The following AFTPH variants were observed in gnomAD, a reference collection of about 807,000 sequenced individuals.
AFTPH encodes aftiphilin protein.
Under a neutral mutation model 72.5 loss-of-function variants are expected in AFTPH, and 7 were observed. The observed-to-expected ratio is 0.10, with a 90% CI of 0.05 to 0.18. The LOEUF is 0.18. Among genes scored for constraint, AFTPH ranks in the 10% least tolerant of loss-of-function variants. The probability of loss-of-function intolerance (pLI) is 1.00; values close to 1 mark genes in which losing one functional copy is unlikely to be tolerated. For missense variants in AFTPH, 979 were observed against 1,060.5 expected (o/e 0.92, Z 1.07); for synonymous variants, 337 against 370.1 (o/e 0.91, Z 1.03).
In AFTPH at chr2:64,571,427, T is replaced by C. The variant is rs1261245865; in HGVS notation, c.2272-1519T>C. Among the ~76,000 whole-genome samples the C allele has an allele frequency of 2.0e-5, 3 of 152,190 alleles. No homozygotes were observed. The East Asian group carries it at 5.8e-4, about 29-fold the overall frequency. The stretch of plus-strand genomic sequence containing the variant: ...AACAAACTTGGCTGAAACTAGTAAT[T>C]GTTTGCCAAATGTATCGTCTCTGCA... On this transcript the variant is annotated intron_variant, in intron 5 of 8. Coordinates refer to ENST00000238856, the Ensembl canonical transcript of AFTPH.
chr2:64,566,507 A>G, intron 2 of AFTPH, among the ~76,000 whole-genome samples: 1 of 152,188 alleles, frequency 6.6e-6, no homozygotes, highest in East Asian at 1.9e-4. Flanking sequence ...AGGAAGTACC[A>G]CCATGATGTG....
At chr2:64,524,682 C>G in intron 1 of AFTPH, 70 bp downstream of exon 1, 1 of 393,038 alleles carries the variant, frequency 2.5e-6, no homozygotes, top group Non-Finnish European at 4.5e-6. Flanking sequence ...CCCGGCCCAG[C>G]AGCCAGACCC....
intron 6 of AFTPH, among the ~76,000 whole-genome samples, chr2:64,576,675 C>T (rs1332153173): frequency 6.6e-6 from 1 of 152,184 alleles, no homozygotes; most frequent in African/African-American, 2.4e-5. Context: ...AGCAACTTCT[C>T]TTAGACTGCC....
chr2:64,524,347 T>C, exon 1 of AFTPH: 1 of 400,624 alleles, frequency 2.5e-6, no homozygotes, highest in Non-Finnish European at 4.4e-6. Context: ...TGGGAGAGTG[T>C]GTGGAGTGGG....
chr2:64,573,262 A>G (rs1242811549), intron 6 of AFTPH, among the ~76,000 whole-genome samples, 194 bp downstream of exon 6: 1 of 152,228 alleles, frequency 6.6e-6, no homozygotes, highest in East Asian at 1.9e-4. Context: ...TCAAAAACAG[A>G]AAAGCACAAT....
intron 1 of AFTPH, among the ~76,000 whole-genome samples, chr2:64,548,407 G>GAAAAAAAAAAAAA (rs57995634): frequency 3.3e-5 from 2 of 59,992 alleles, no homozygotes; most frequent in Non-Finnish European, 3.3e-5. Flanking sequence ...CTCAAAAAAA[G>GAAAAAAAAAAAAA]AAAAAAAAAA....
chr2:64,535,487 T>G (rs1470231864), intron 1 of AFTPH, among the ~76,000 whole-genome samples: 3 of 152,230 alleles, frequency 2.0e-5, no homozygotes, highest in Non-Finnish European at 4.4e-5. Context: ...AAAAGAACAC[T>G]GGCTTTGAGT....
Position 64,566,533 on chromosome 2 carries a change from A to G in AFTPH, c.1936-1029A>G, listed in dbSNP as rs573809451. ...CCATGATGTGGCATTTTGCTTTTACAGTCTGTGTCAATTCAATAGTAAACT... is the reference window on the plus strand; with the variant it reads ...CCATGATGTGGCATTTTGCTTTTACGGTCTGTGTCAATTCAATAGTAAACT... On this transcript the variant is annotated intron_variant, in intron 2 of 8. Coordinates refer to ENST00000238856, the Ensembl canonical transcript of AFTPH. 1.2e-4 allele frequency among the ~76,000 whole-genome samples: 18 copies of G among 152,300 alleles called. No homozygotes were observed. The South Asian group carries it at 3.7e-3, about 32-fold the overall frequency.
intron 8 of AFTPH, among the ~76,000 whole-genome samples, chr2:64,590,215 C>T (rs986926088): frequency 1.3e-5 from 2 of 152,154 alleles, no homozygotes; most frequent in Admixed American, 1.3e-4. Context: ...TTCTTATTAA[C>T]AGTAGCTTAT....
At chr2:64,547,438 T>A (rs568836753) in intron 1 of AFTPH, among the ~76,000 whole-genome samples, 149 of 152,330 alleles carry the variant, frequency 9.8e-4, no homozygotes, top group African/African-American at 3.4e-3. Context: ...GGTGCATGAT[T>A]TCAGTGTTCC....
In AFTPH at chr2:64,552,115, C is replaced by T. The variant is rs762650171; in HGVS notation, c.641C>T (p.Thr214Ile). The change falls in exon 2 of 9, where the codon ACT (threonine) becomes ATT (isoleucine). Residue 214 changes from threonine (T) to isoleucine (I), a missense_variant. Physicochemically the swap from Thr to Ile is moderately conservative, Grantham distance 89. Coordinates refer to ENST00000238856, the Ensembl canonical transcript of AFTPH. ...TCAAAGGGACGGAAGCCTCTTAGCA[C>T]TCATAGCACTGAGTATAATTTAGAC... 5 of 1,613,860 alleles carry T rather than the reference C, an allele frequency of 3.1e-6. No individual in the cohort carries two copies. Among genetic ancestry groups the T allele is most frequent in the Admixed American group, 3.3e-5 (2 of 60,004 alleles).
intron 6 of AFTPH, among the ~76,000 whole-genome samples, chr2:64,575,076 C>T (rs1672679227): frequency 6.6e-6 from 1 of 152,156 alleles, no homozygotes; most frequent in African/African-American, 2.4e-5. Flanking sequence ...TTCCACCTTA[C>T]AACCCCATAA....
chr2:64,532,359 A>G (rs1669674985), intron 1 of AFTPH, among the ~76,000 whole-genome samples: 1 of 152,346 alleles, frequency 6.6e-6, no homozygotes, highest in African/African-American at 2.4e-5. Flanking sequence ...AATCTTTATC[A>G]CAAGAAGAGG....
intron 7 of AFTPH, among the ~76,000 whole-genome samples, chr2:64,582,150 A>G (rs1343385986): frequency 6.6e-6 from 1 of 152,040 alleles, no homozygotes; most frequent in African/African-American, 2.4e-5. Context: ...TGCCGTAGAG[A>G]TGCCCATGCC....
chr2:64,552,856 T>G, exon 2 of AFTPH: 1 of 1,614,218 alleles, frequency 6.2e-7, no homozygotes, highest in Non-Finnish European at 8.5e-7. Context: ...GATGCCACTT[T>G]TGAAGAGTCT....
intron 7 of AFTPH, among the ~76,000 whole-genome samples, chr2:64,581,775 G>A (rs1176809851): frequency 6.6e-6 from 1 of 152,134 alleles, no homozygotes; most frequent in East Asian, 1.9e-4. Flanking sequence ...CAAAATGTTG[G>A]AGTCTAGCAC....
chr2:64,528,949 T>G (rs1669442102), intron 1 of AFTPH, among the ~76,000 whole-genome samples: 1 of 152,146 alleles, frequency 6.6e-6, no homozygotes, highest in Non-Finnish European at 1.5e-5. Context: ...GAGTGGAATG[T>G]AAGAATAGAA....
At chr2:64,539,922 A>G (rs919387765) in intron 1 of AFTPH, among the ~76,000 whole-genome samples, 2 of 152,118 alleles carry the variant, frequency 1.3e-5, no homozygotes, top group Admixed American at 1.3e-4. Flanking sequence ...CGCACAGAAG[A>G]GAGGATTCTG....
intron 5 of AFTPH, among the ~76,000 whole-genome samples, chr2:64,571,507 A>T (rs1672430551): frequency 6.6e-6 from 1 of 152,206 alleles, no homozygotes; most frequent in African/African-American, 2.4e-5. Context: ...TAGACCATGA[A>T]CTTATTTCAT....
Sources: gnomAD v4.1 joint callset for allele counts (sites outside exome capture counted in the v4.1 genomes callset) on GRCh38, gnomAD v4.1.1 for gene constraint, MANE v1.5 for transcripts, NCBI Gene and HGNC (gene_info 2026-07-23, HGNC 2026-07-21) for gene names.